The following ARHGEF1 variants were observed in gnomAD, a reference collection of about 807,000 sequenced individuals.
ARHGEF1 encodes 115 kDa guanine nucleotide exchange factor.
A neutral mutation model predicts 119.7 loss-of-function variants in ARHGEF1; 40 were observed. The ratio of observed to expected loss-of-function variants is 0.33; its 90% CI spans 0.26 to 0.44. The LOEUF (loss-of-function observed/expected upper bound fraction) is 0.44. ARHGEF1 is among the 20% of genes least tolerant of loss of function. The probability of loss-of-function intolerance (pLI) is 1.00; values close to 1 mark genes in which losing one functional copy is unlikely to be tolerated. For synonymous variants in ARHGEF1, 494 were observed against 521.0 expected (o/e 0.95, Z 0.71); for missense variants, 976 against 1,268.3 (o/e 0.77, Z 3.50).
At chr19:41,910,039 G>T, downstream of ARHGEF1, 1 of 1,613,604 alleles carries the variant, frequency 6.2e-7, no homozygotes, top group Non-Finnish European at 8.5e-7. The surrounding 1 kb of genome is among the most constrained non-coding windows in gnomAD (Gnocchi z 4.4). Flanking sequence ...GCCACAGCTG[G>T]ATCTGCCTCG....
chr19:41,892,006 T>G lies in ARHGEF1; in HGVS notation c.226-19T>G. The G allele has an allele frequency of 6.3e-7, 1 of 1,587,130 alleles. No homozygotes were observed. The highest frequency in any genetic ancestry group is 8.6e-7 in the Non-Finnish European group (1 of 1,161,810). ...GGCAGGGTGAGGGAGCGGAGAGTCA[T>G]GCTGTGTGTCTCCCCCAGCTTTGCT... On this transcript the variant is annotated intron_variant, in intron 4 of 28. Transcript: ENST00000354532. The surrounding 1 kb of genome is among the most constrained non-coding windows in gnomAD (Gnocchi z 6.3).
chr19:41,894,045 T>G (rs2074429325), intron 8 of ARHGEF1, among the ~76,000 whole-genome samples, 162 bp from the exon 9 acceptor site: 1 of 151,780 alleles, frequency 6.6e-6, no homozygotes, highest in South Asian at 2.1e-4. Flanking sequence ...CTCTCATCTC[T>G]CCTCAGAGTC....
chr19:41,909,614 T>A (rs782767991), downstream of ARHGEF1: 7 of 848,246 alleles, frequency 8.3e-6, no homozygotes, highest in Non-Finnish European at 1.2e-5. This position sits in a 1 kb window ranked among gnomAD's most constrained non-coding sequence, Gnocchi z 5.2. Flanking sequence ...AGTCCCTTAA[T>A]AGGGATCACA....
rs1388895926 is a variant in ARHGEF1, at chr19:41,905,395, GTGTC to G, written c.2336+138_2336+141del. ...TGAATGCATGTGTGTGCATACATGT[GTGTC>G]TGTACGCAAGTATGTGACTGTGCGT... On this transcript the variant is annotated intron_variant, in intron 24 of 28. Coordinates refer to ENST00000354532, the MANE Select transcript of ARHGEF1 (RefSeq NM_004706.4). This position sits in a 1 kb window ranked among gnomAD's most constrained non-coding sequence, Gnocchi z 6.4. 2.5e-5 allele frequency: 19 copies of G among 762,644 alleles called. No individual in the cohort carries two copies. The highest frequency in any genetic ancestry group is 1.6e-4 in the African/African-American group (9 of 57,094). The allele number at this position is 762,644 out of a possible 1,614,324, so 47.2% of individuals were successfully genotyped here.
Position 41,895,412 on chromosome 19 carries a change from T to G in ARHGEF1, c.941T>G (p.Ile314Ser). The G allele has an allele frequency of 1.2e-6, 2 of 1,612,730 alleles. No individual in the cohort carries two copies. The highest frequency in any genetic ancestry group is 1.7e-6 in the Non-Finnish European group (2 of 1,179,564). Reference protein sequence around the residue: ...GVGMPSRDRNIGAPGQDTPGV... With the variant: ...GVGMPSRDRNSGAPGQDTPGV... ...GGGATGCCCTCTCGGGACCGGAATATCGGGGCTCCTGGGCAGGACACCCCT... is the reference window on the plus strand; with the variant it reads ...GGGATGCCCTCTCGGGACCGGAATAGCGGGGCTCCTGGGCAGGACACCCCT... The change falls in exon 12 of 29, where the codon ATC becomes AGC. Residue 314 changes from isoleucine (I) to serine (S), a missense_variant. Ile to Ser is a moderately radical substitution (Grantham distance 142). Transcript: ENST00000354532.
chr19:41,928,519 C>T (rs1555853530), intron 1 of ARHGEF1: 1 of 160,700 alleles, frequency 6.2e-6, no homozygotes, highest in Non-Finnish European at 1.4e-5. Context: ...CTCCTCCTCC[C>T]TCCACTCCTC....
chr19:41,906,633 G>T lies in ARHGEF1; in HGVS notation c.2655+13G>T. On this transcript the variant is annotated intron_variant, in intron 27 of 28. Transcript: ENST00000354532. The surrounding 1 kb of genome is among the most constrained non-coding windows in gnomAD (Gnocchi z 4.5). The stretch of plus-strand genomic sequence containing the variant: ...GAAGCAGCTGGAGGTGGGGCGGGAC[G>T]GGCCAGGGGTGCCCTGAGTGGGCTG... 6.3e-7 allele frequency: 1 copy of T among 1,599,464 alleles called. No individual in the cohort carries two copies. Among genetic ancestry groups the T allele is most frequent in the Non-Finnish European group, 8.5e-7 (1 of 1,175,448 alleles).
chr19:41,926,122 G>A lies in ARHGEF1; in HGVS notation c.141-2709G>A, dbSNP rs141484908. Among the ~76,000 whole-genome samples, 643 of 152,182 alleles carry A rather than the reference G, an allele frequency of 4.2e-3. 7 individuals are homozygous for A. Among genetic ancestry groups the A allele is most frequent in the African/African-American group, 0.015 (618 of 41,488 alleles). On this transcript the variant is annotated intron_variant, in intron 1 of 2. Coordinates refer to the ARHGEF1 transcript ENST00000594417. ...CTCACGTACAGGTAGGAAGGGGCCAGTGTGACATGAAATGAGATAAAATGC... is the reference window on the plus strand; with the variant it reads ...CTCACGTACAGGTAGGAAGGGGCCAATGTGACATGAAATGAGATAAAATGC...
intron 14 of ARHGEF1, among the ~76,000 whole-genome samples, chr19:41,901,181 C>T (rs965506202): frequency 6.6e-6 from 1 of 151,262 alleles, no homozygotes; most frequent in East Asian, 2.0e-4. Context: ...GACGGAGTCT[C>T]GTTCTGTCAC....
Position 41,892,900 on chromosome 19 carries a change from A to G in ARHGEF1, c.614+51A>G, listed in dbSNP as rs782479331. On this transcript the variant is annotated intron_variant, in intron 7 of 28. Coordinates refer to ENST00000354532, the MANE Select transcript of ARHGEF1 (RefSeq NM_004706.4). This position sits in a 1 kb window ranked among gnomAD's most constrained non-coding sequence, Gnocchi z 6.3. ...CGTCGCCCCTCCCCAGCACAAGGGC[A>G]CCCGTGCTACCTCTGGCATGTTCCA... The G allele has an allele frequency of 2.8e-6, 4 of 1,445,676 alleles. No individual in the cohort carries two copies. In the South Asian group the frequency reaches 5.6e-5, roughly 20 times the overall value. The allele number at this position is 1,445,676 out of a possible 1,614,324, so 89.6% of individuals were successfully genotyped here. A position where few individuals can be genotyped will look rare whatever the true frequency, so the allele number is the denominator to read the frequency against.
At chr19:41,926,956 GAGATAGAAAGAGAT>G in intron 1 of ARHGEF1, among the ~76,000 whole-genome samples, 1 of 152,150 alleles carries the variant, frequency 6.6e-6, no homozygotes, top group East Asian at 1.9e-4. Flanking sequence ...CAGAGAGAGA[GAGATAGAAAGAGAT>G]GCCGAGAAAG....
chr19:41,900,143 G>T (rs1599654659), intron 14 of ARHGEF1, among the ~76,000 whole-genome samples: 1 of 152,092 alleles, frequency 6.6e-6, no homozygotes, highest in East Asian at 1.9e-4. Flanking sequence ...AGACTAGCCT[G>T]GCCAACATGG....
At chr19:41,909,319 A>G (rs1238306370), downstream of ARHGEF1, 7 of 1,234,882 alleles carry the variant, frequency 5.7e-6, no homozygotes, top group African/African-American at 6.2e-5. This position sits in a 1 kb window ranked among gnomAD's most constrained non-coding sequence, Gnocchi z 5.2. Context: ...GGCCCCCCCA[A>G]AGGGACTGGG....
chr19:41,893,136 C>G, intron 7 of ARHGEF1, 138 bp from the exon 8 acceptor site: 1 of 1,247,592 alleles, frequency 8.0e-7, no homozygotes, highest in Non-Finnish European at 1.1e-6. Flanking sequence ...ACAGTCCTTC[C>G]CAATCCCTTC....
rs372800039 is a variant in ARHGEF1 at position 41,895,357 on chromosome 19, C to T, written c.886C>T (p.Pro296Ser). Residue 296 changes from proline (P) to serine (S), a missense_variant, in exon 12 of 29, where the codon CCA becomes TCA. Pro to Ser is a moderately conservative substitution (Grantham distance 74). Coordinates refer to ENST00000354532, the MANE Select transcript of ARHGEF1 (RefSeq NM_004706.4). ...CCTCACTGTCTCCCCAGCCGAGAAGCCAGGTGCTACAGACCGGAAGGGAGG... is the reference window on the plus strand; with the variant it reads ...CCTCACTGTCTCCCCAGCCGAGAAGTCAGGTGCTACAGACCGGAAGGGAGG... ...HLKAEVDAEK[P>S]GATDRKGGVG... 2.2e-5 allele frequency: 36 copies of T among 1,607,882 alleles called. No homozygotes were observed. The highest frequency in any genetic ancestry group is 3.1e-5 in the Non-Finnish European group (36 of 1,176,490).
downstream of ARHGEF1, chr19:41,909,873 G>A (rs2094367305): frequency 6.2e-7 from 1 of 1,611,202 alleles, no homozygotes; most frequent in Non-Finnish European, 8.5e-7. This position sits in a 1 kb window ranked among gnomAD's most constrained non-coding sequence, Gnocchi z 5.2. Context: ...CGCAGGGCCC[G>A]GCTCAGCTTG....
chr19:41,896,400 G>A lies in ARHGEF1; in HGVS notation c.1039G>A (p.Gly347Arg). 1 of 1,443,970 alleles carries A rather than the reference G, an allele frequency of 6.9e-7. No individual in the cohort carries two copies. Among genetic ancestry groups the A allele is most frequent in the Non-Finnish European group, 9.1e-7 (1 of 1,097,478 alleles). 89.4% of individuals were successfully genotyped at this position (1,443,970 alleles called of 1,614,324 possible). Residue 347 changes from glycine to arginine, a missense_variant, in exon 13 of 29, where the codon GGG (glycine) becomes AGG (arginine). Coordinates refer to ENST00000354532, the MANE Select transcript of ARHGEF1 (RefSeq NM_004706.4). The stretch of plus-strand genomic sequence containing the variant: ...AGGTGCTGACGCCCCCCTGGAGCTG[G>A]GGGACTCATCCCCGCAGGGCCCAAT... ...EPGADAPLEL[G>R]DSSPQGPMSL...
At position 41,888,844 on chromosome 19, in the gene ARHGEF1, G is replaced by A; in HGVS notation, c.204G>A (p.Leu68=). 6.2e-7 allele frequency: 1 copy of A among 1,614,112 alleles called. No individual in the cohort carries two copies. Among genetic ancestry groups the A allele is most frequent in the Non-Finnish European group, 8.5e-7 (1 of 1,179,952 alleles). Residue 68 remains leucine (L), a synonymous_variant, in exon 4 of 29, where the codon CTG becomes CTA. Transcript: ENST00000354532. The surrounding 1 kb of genome is among the most constrained non-coding windows in gnomAD (Gnocchi z 5.1). ...HLMALLQHVA[L]QFEPGPLLCC... is the part of the protein sequence containing the mutation. ...TGGCCCTCCTGCAGCACGTGGCCCT[G>A]CAGTTTGAGCCAGGACCCCTGGTGA...
At chr19:41,910,837 G>A (rs189875330), downstream of ARHGEF1, among the ~76,000 whole-genome samples, 1 of 152,282 alleles carries the variant, frequency 6.6e-6, no homozygotes, top group East Asian at 1.9e-4. The surrounding 1 kb of genome is among the most constrained non-coding windows in gnomAD (Gnocchi z 4.4). Flanking sequence ...CCACACTCAT[G>A]CTGGGGGCCA....
Sources: allele counts gnomAD v4.1 joint callset (sites outside exome capture counted in the v4.1 genomes callset), GRCh38; gene constraint gnomAD v4.1.1; non-coding constraint Gnocchi (gnomAD v3.1); transcripts MANE v1.5; gene names NCBI Gene and HGNC (gene_info 2026-07-23, HGNC 2026-07-21).